Variants in TGM7 observed in about 807,000 individuals in gnomAD.
TGM7 encodes the protein transglutaminase 7.
Under a neutral mutation model 79.5 loss-of-function variants are expected in TGM7, and 74 were observed. The ratio of observed to expected loss-of-function variants is 0.93; its 90% confidence interval spans 0.77 to 1.13. The LOEUF (loss-of-function observed/expected upper bound fraction) is 1.13. Ranked by LOEUF, TGM7 falls within the 50% of genes most tolerant of loss-of-function variation. The pLI, the probability that TGM7 is intolerant of heterozygous loss-of-function variation, is 0.00. For missense variants in TGM7, 912 were observed against 905.9 expected, an observed-to-expected ratio of 1.01 and a Z score of -0.09; for synonymous variants, 354 against 362.5, an observed-to-expected ratio of 0.98 and a Z score of 0.27.
intron 1 of TGM7, among the ~76,000 whole-genome samples, chr15:43,294,849 T>C (rs2042984555): frequency 6.6e-6 from 1 of 152,100 alleles, no homozygotes; most frequent in African/African-American, 2.4e-5. Context: ...ATTTGTATTT[T>C]GAACTTCCAC....
chr15:43,292,027 G>A lies in TGM7; in HGVS notation c.510C>T (p.Tyr170=), dbSNP rs1179134049. The part of the protein sequence containing the change: ...EYIMRDYGFV[Y]KGHERFITSW... ...AGGTGATGAATCTTTCATGACCCTTGTAAACAAAGCCATAATCTCGCATGA... is the reference window on the plus strand; with the variant it reads ...AGGTGATGAATCTTTCATGACCCTTATAAACAAAGCCATAATCTCGCATGA... The change falls in exon 4 of 13, where the codon TAC becomes TAT. Residue 170 remains tyrosine (Y), a synonymous_variant. Transcript: ENST00000452443. 1 of 1,614,024 alleles carries A rather than the reference G, an allele frequency of 6.2e-7. No individual in the cohort carries two copies. Among genetic ancestry groups the A allele is most frequent in the South Asian group, 1.1e-5 (1 of 91,078 alleles).
intron 11 of TGM7, among the ~76,000 whole-genome samples, chr15:43,278,078 G>T (rs182015285): frequency 1.1e-4 from 16 of 152,366 alleles, no homozygotes; most frequent in African/African-American, 3.8e-4. Flanking sequence ...GGTGTCAGCT[G>T]GCCCGACAGC....
rs780363451 is a variant in TGM7 at position 43,293,533 on chromosome 15, GGCGCACAGTGAGCCGCTT to G, written c.91_108del (p.Lys31_Arg36del). 6.1e-4 allele frequency: 978 copies of G among 1,611,612 alleles called. 1 individual carries two copies. The highest frequency in any genetic ancestry group is 1.7e-3 in the Middle Eastern group (10 of 6,044). ...AGCCGGAGGTAGAAGGGCTGGCCGC[GGCGCACAGTGAGCCGCTT>G]GACGCCCATCTCCTGCGTGTGGTGC... On this transcript the variant is annotated inframe_deletion, in exon 2 of 13. Transcript: ENST00000452443.
intron 3 of TGM7, 96 bp from the exon 4 acceptor site, chr15:43,292,193 C>G: frequency 1.2e-6 from 1 of 809,422 alleles, no homozygotes; most frequent in South Asian, 1.5e-5. Flanking sequence ...TTCTGGAAAA[C>G]AGGAGGAACA....
chr15:43,276,362 A>G lies in TGM7; in HGVS notation c.*93T>C. On this transcript the variant is annotated 3_prime_UTR_variant, in exon 13 of 13. Coordinates refer to ENST00000452443, the MANE Select transcript of TGM7 (RefSeq NM_052955.3). Reference sequence around the variant, plus strand: ...TCATTCATTCCCAGGCAGGCTAGAGAGAGGACAGAGGTGGAGCCAAGACGA... The same window carrying G: ...TCATTCATTCCCAGGCAGGCTAGAGGGAGGACAGAGGTGGAGCCAAGACGA... 7.0e-7 allele frequency: 1 copy of G among 1,421,282 alleles called. No individual in the cohort carries two copies. The highest frequency in any genetic ancestry group is 2.3e-5 in the East Asian group (1 of 43,322). The allele number at this position is 1,421,282 out of a possible 1,614,324, so 88.0% of individuals were successfully genotyped here.
chr15:43,282,462 C>A (rs2142405181), intron 8 of TGM7, 55 bp downstream of exon 8: 2 of 1,475,558 alleles, frequency 1.4e-6, no homozygotes. Context: ...CACGGCCAGT[C>A]ACCCTAATCT....
intron 1 of TGM7, among the ~76,000 whole-genome samples, chr15:43,299,672 G>C (rs1182184744): frequency 6.6e-6 from 1 of 152,208 alleles, no homozygotes; most frequent in Non-Finnish European, 1.5e-5. Context: ...GGTGGACTCA[G>C]CTCCTTCCAT....
intron 3 of TGM7, 47 bp downstream of exon 3, chr15:43,292,662 C>A: frequency 6.2e-7 from 1 of 1,603,730 alleles, no homozygotes. Context: ...CTCACAGGGC[C>A]TTCCCAATGG....
intron 1 of TGM7, among the ~76,000 whole-genome samples, chr15:43,298,944 A>C (rs1000526789): frequency 6.6e-6 from 1 of 152,066 alleles, no homozygotes; most frequent in Non-Finnish European, 1.5e-5. Context: ...GATTCCTCTT[A>C]TCTGATGATT....
intron 6 of TGM7, among the ~76,000 whole-genome samples, chr15:43,286,844 T>A (rs1047673985): frequency 6.6e-6 from 1 of 152,228 alleles, no homozygotes; most frequent in Non-Finnish European, 1.5e-5. Flanking sequence ...TCTATAATGA[T>A]AACTGCTCAA....
rs1453752424 is a variant in TGM7, at chr15:43,276,481, A to G, written c.2107T>C (p.Phe703Leu). 6.2e-7 allele frequency: 1 copy of G among 1,613,834 alleles called. No individual in the cohort carries two copies. The highest frequency in any genetic ancestry group is 8.5e-7 in the Non-Finnish European group (1 of 1,179,882). ...CAGGGAGCCCCAGCCACAGTGACGAAGATGTCCTTGTAGCCTTTGATCTCC... is the reference window on the plus strand; with the variant it reads ...CAGGGAGCCCCAGCCACAGTGACGAGGATGTCCTTGTAGCCTTTGATCTCC... ...VKEIKGYKDI[F>L]VTVAGAP is the part of the protein sequence containing the mutation. Residue 703 changes from phenylalanine (F) to leucine (L), a missense_variant, in exon 13 of 13, where the codon TTC (phenylalanine) becomes CTC (leucine). Physicochemically the swap from Phe to Leu is conservative, Grantham distance 22. Coordinates refer to ENST00000452443, the MANE Select transcript of TGM7 (RefSeq NM_052955.3).
intron 2 of TGM7, 25 bp from the exon 3 acceptor site, chr15:43,292,979 A>G (rs1252569106): frequency 6.2e-7 from 1 of 1,609,112 alleles, no homozygotes; most frequent in Non-Finnish European, 8.5e-7. Flanking sequence ...ATGACCCCAC[A>G]GTGAGGCTCA....
Position 43,282,550 on chromosome 15 carries a change from C to T in TGM7, c.1075G>A (p.Val359Ile), listed in dbSNP as rs758523416. The T allele has an allele frequency of 6.2e-7, 1 of 1,600,170 alleles. No individual in the cohort carries two copies. The highest frequency in any genetic ancestry group is 8.5e-7 in the Non-Finnish European group (1 of 1,172,878). Residue 359 changes from valine to isoleucine, a missense_variant, in exon 8 of 13, where the codon GTT (valine) becomes ATT (isoleucine). Transcript: ENST00000452443. ...GTCTGCTGGGGAGTGGGGTCCAGAA[C>T]CTGCCACCCGTTGTATCCTGGTGGG... Reference protein sequence around the residue: ...DLPPGYNGWQVLDPTPQQTSS... With the variant: ...DLPPGYNGWQILDPTPQQTSS...
chr15:43,293,576 C>T lies in TGM7; in HGVS notation c.66G>A (p.Glu22=). 1 of 1,610,870 alleles carries T rather than the reference C, an allele frequency of 6.2e-7. No individual in the cohort carries two copies. The highest frequency in any genetic ancestry group is 8.5e-7 in the Non-Finnish European group (1 of 1,179,590). Residue 22 remains glutamate (E), a synonymous_variant, in exon 2 of 13, where the codon GAG becomes GAA. Transcript: ENST00000452443. ...VDLQSSRNNK[E]HHTQEMGVKR... Reference sequence around the variant, plus strand: ...TGACGCCCATCTCCTGCGTGTGGTGCTCCTTGTTGTTCCTGGAGCTCTGCA... The same window carrying T: ...TGACGCCCATCTCCTGCGTGTGGTGTTCCTTGTTGTTCCTGGAGCTCTGCA...
chr15:43,279,513 G>A (rs2042895289), intron 10 of TGM7, 112 bp downstream of exon 10: 2 of 1,347,762 alleles, frequency 1.5e-6, no homozygotes, highest in East Asian at 2.3e-5. Flanking sequence ...CAGAATGTGT[G>A]TGTGTTGGAG....
At position 43,284,876 on chromosome 15, in the gene TGM7, G is replaced by A. The variant is rs770432780; in HGVS notation, c.942C>T (p.Thr314=). The A allele has an allele frequency of 3.1e-6, 5 of 1,614,104 alleles. No homozygotes were observed. The East Asian group carries it at 8.9e-5, about 29-fold the overall frequency. The change falls in exon 7 of 13, where the codon ACC becomes ACT. Residue 314 remains threonine (T), a synonymous_variant. Coordinates refer to ENST00000452443, the MANE Select transcript of TGM7 (RefSeq NM_052955.3). The stretch of plus-strand genomic sequence containing the variant: ...CATTTCGGTCATAGTACGTATCGAT[G>A]GTCAAGTTCCTATCCACGTTGTGCG... ...RSAHNVDRNL[T]IDTYYDRNAE...
intron 1 of TGM7, among the ~76,000 whole-genome samples, chr15:43,297,601 G>GAAAGAAAGAAAGAAAGAAAGAA: frequency 6.8e-6 from 1 of 147,434 alleles, no homozygotes; most frequent in Non-Finnish European, 1.5e-5. Context: ...AAGAAAGAAA[G>GAAAGAAAGAAAGAAAGAAAGAA]AAAGAAAGAA....
At position 43,292,177 on chromosome 15, in the gene TGM7, A is replaced by G. The variant is rs112745844; in HGVS notation, c.440-80T>C. The G allele has an allele frequency of 1.5e-3, 1,436 of 980,516 alleles. 11 individuals carry two copies. The African/African-American group carries it at 0.02, about 14-fold the overall frequency. 60.7% of individuals were successfully genotyped at this position (980,516 alleles called of 1,614,324 possible). A position where few individuals can be genotyped will look rare whatever the true frequency, so the allele number is the denominator to read the frequency against. ...ATTAAATTAAAAAACAGTAACGACA[A>G]CGTGTTTCTGGAAAACAGGAGGAAC... On this transcript the variant is annotated intron_variant, in intron 3 of 12. Transcript: ENST00000452443.
chr15:43,292,921 G>T lies in TGM7; in HGVS notation c.227C>A (p.Ala76Asp). The T allele has an allele frequency of 1.2e-6, 2 of 1,613,660 alleles. No homozygotes were observed. The highest frequency in any genetic ancestry group is 1.7e-6 in the Non-Finnish European group (2 of 1,179,922). The change falls in exon 3 of 13, where the codon GCC becomes GAC. Residue 76 changes from alanine (A) to aspartate (D), a missense_variant. By Grantham distance (126) the Ala-to-Asp change is moderately radical. Coordinates refer to ENST00000452443, the MANE Select transcript of TGM7 (RefSeq NM_052955.3). ...CTGGACCCGGGTGAGGAAGAATGTG[G>T]CTCGGGTCCCCAGCAGCTCTGACGG... ...PKPSELLGTR[A>D]TFFLTRVQPG...
Sources: gnomAD v4.1 joint callset for allele counts (sites outside exome capture counted in the v4.1 genomes callset) on GRCh38, gnomAD v4.1.1 for gene constraint, MANE v1.5 for transcripts, NCBI Gene and HGNC (gene_info 2026-07-23, HGNC 2026-07-21) for gene names.